SIPA1L2: variants seen among roughly 807,000 people sequenced by gnomAD.
SIPA1L2 encodes signal induced proliferation associated 1 like 2, also known as signal-induced proliferation-associated 1-like protein 2.
Under a neutral mutation model 163.9 loss-of-function variants are expected in SIPA1L2, and 56 were observed. The observed-to-expected ratio is 0.34, with a 90% CI of 0.28 to 0.43. The LOEUF (loss-of-function observed/expected upper bound fraction) is 0.43, where lower values mean the gene tolerates loss of function less well. Ranked by LOEUF, SIPA1L2 falls within the 20% of genes least tolerant of loss-of-function variation. SIPA1L2 has a pLI of 1.00. For synonymous variants in SIPA1L2, 877 were observed against 865.7 expected, an observed-to-expected ratio of 1.01 and a Z score of -0.23; for missense variants, 1,974 against 2,193.5, an observed-to-expected ratio of 0.90 and a Z score of 2.00.
chr1:232,448,206 A>C (rs1350880266), intron 10 of SIPA1L2, among the ~76,000 whole-genome samples: 1 of 152,204 alleles, frequency 6.6e-6, no homozygotes, highest in Non-Finnish European at 1.5e-5. Flanking sequence ...GCACAGTGCA[A>C]GGCGTACTCT....
At chr1:232,479,555 A>C in intron 7 of SIPA1L2, 72 bp downstream of exon 7, 3 of 1,177,036 alleles carry the variant, frequency 2.5e-6, no homozygotes, top group Non-Finnish European at 3.8e-6. Flanking sequence ...TTCTACATGC[A>C]TCAATATCAT....
At chr1:232,425,452 A>C (rs1258729970) in intron 18 of SIPA1L2, 137 bp downstream of exon 18, 7 of 628,828 alleles carry the variant, frequency 1.1e-5, no homozygotes, top group Non-Finnish European at 1.7e-5. Flanking sequence ...AAATTATTTA[A>C]AACACCAAAT....
At chr1:232,449,372 G>T (rs1260395089) in intron 10 of SIPA1L2, among the ~76,000 whole-genome samples, 3 of 151,936 alleles carry the variant, frequency 2.0e-5, no homozygotes, top group Non-Finnish European at 4.4e-5. Flanking sequence ...CAAAAAATTG[G>T]CCGGGCACGG....
At chr1:232,618,666 A>AC (rs968046713) in intron 1 of SIPA1L2, among the ~76,000 whole-genome samples, 37 of 151,546 alleles carry the variant, frequency 2.4e-4, no homozygotes, top group Non-Finnish European at 2.8e-4. Flanking sequence ...AAAAAAAAAA[A>AC]AAAACTCTTG....
chr1:232,441,618 C>G, intron 13 of SIPA1L2, 150 bp downstream of exon 13: 3 of 748,616 alleles, frequency 4.0e-6, no homozygotes, highest in Non-Finnish European at 6.7e-6. Flanking sequence ...GACCACACCC[C>G]CTCCTGCATC....
intron 2 of SIPA1L2, among the ~76,000 whole-genome samples, chr1:232,571,044 C>T (rs1428942577): frequency 6.7e-6 from 1 of 149,910 alleles, no homozygotes; most frequent in East Asian, 1.9e-4. Context: ...CAAAAGGTAT[C>T]TCCAGAAAGC....
chr1:232,593,881 T>C (rs939439962), intron 1 of SIPA1L2, among the ~76,000 whole-genome samples: 2 of 152,182 alleles, frequency 1.3e-5, no homozygotes, highest in African/African-American at 4.8e-5. Flanking sequence ...TCCGTGGACA[T>C]CCAGGGCAGA....
intron 2 of SIPA1L2, among the ~76,000 whole-genome samples, chr1:232,536,859 G>A (rs748300124): frequency 2.0e-5 from 3 of 152,132 alleles, no homozygotes; most frequent in Non-Finnish European, 2.9e-5. Flanking sequence ...CAAATATTTG[G>A]GATGTCTTAT....
At chr1:232,615,684 C>G (rs1215828698) in intron 1 of SIPA1L2, among the ~76,000 whole-genome samples, 2 of 152,214 alleles carry the variant, frequency 1.3e-5, no homozygotes, top group Non-Finnish European at 2.9e-5. Flanking sequence ...AGTAACATTT[C>G]TTTCGAAGTT....
At chr1:232,602,455 A>C (rs1356566579) in intron 1 of SIPA1L2, among the ~76,000 whole-genome samples, 1 of 152,106 alleles carries the variant, frequency 6.6e-6, no homozygotes, top group Non-Finnish European at 1.5e-5. Context: ...CTCAGCCTCC[A>C]GAGTAGCTGG....
At chr1:232,458,208 C>A (rs1191727910) in intron 10 of SIPA1L2, among the ~76,000 whole-genome samples, 1 of 152,124 alleles carries the variant, frequency 6.6e-6, no homozygotes, top group Non-Finnish European at 1.5e-5. Context: ...AATGAGACTC[C>A]TAGGAGGCAA....
chr1:232,579,772 T>C (rs902062508), intron 1 of SIPA1L2, among the ~76,000 whole-genome samples: 5 of 152,100 alleles, frequency 3.3e-5, no homozygotes, highest in Non-Finnish European at 4.4e-5. Flanking sequence ...TAAAGGCAGA[T>C]TAATAGGAGA....
At chr1:232,460,317 T>C (rs1664164285) in intron 10 of SIPA1L2, among the ~76,000 whole-genome samples, 2 of 152,186 alleles carry the variant, frequency 1.3e-5, no homozygotes, top group African/African-American at 4.8e-5. Context: ...GCCGTTCCTT[T>C]TCATCTATTT....
intron 1 of SIPA1L2, among the ~76,000 whole-genome samples, chr1:232,586,958 T>C (rs10910561): frequency 0.25 from 38,375 of 152,098 alleles, 4,932 homozygotes; most frequent in Admixed American, 0.26. Context: ...GCTGGTGTCA[T>C]GGGCCTTGAT....
At chr1:232,455,421 C>T (rs1038765575) in intron 10 of SIPA1L2, among the ~76,000 whole-genome samples, 11 of 152,172 alleles carry the variant, frequency 7.2e-5, no homozygotes, top group Non-Finnish European at 5.9e-5. Context: ...GTGGCTCACG[C>T]CTGTAATCCC....
intron 12 of SIPA1L2, 50 bp downstream of exon 12, chr1:232,443,552 C>T (rs772694679): frequency 3.3e-5 from 48 of 1,446,622 alleles, no homozygotes; most frequent in Non-Finnish European, 4.5e-5. Context: ...CAATGAGTCA[C>T]AGAAAACAGG....
chr1:232,403,545 G>T lies in SIPA1L2; in HGVS notation c.4843C>A (p.Leu1615Met), dbSNP rs1343579301. The change falls in exon 21 of 23, where the codon CTG becomes ATG. Residue 1615 changes from leucine to methionine, a missense_variant. Transcript: ENST00000674635. The stretch of plus-strand genomic sequence containing the variant: ...TCCTGCCCATGCTGCATATCTGTCA[G>T]GGTGCAGAAGGATGCCACCCTCTGG... ...LDQRVASFCT[L>M]TDMQHGQDLE... 4 of 1,613,820 alleles carry T rather than the reference G, an allele frequency of 2.5e-6. No homozygotes were observed. The African/African-American group carries it at 5.3e-5, about 22-fold the overall frequency.
At chr1:232,406,754 A>G (rs1248170554) in intron 19 of SIPA1L2, among the ~76,000 whole-genome samples, 1 of 151,936 alleles carries the variant, frequency 6.6e-6, no homozygotes. Context: ...TCAACGCGTC[A>G]TGTCTGTTGA....
At chr1:232,579,717 T>C (rs1201699772) in intron 1 of SIPA1L2, among the ~76,000 whole-genome samples, 1 of 152,176 alleles carries the variant, frequency 6.6e-6, no homozygotes, top group Non-Finnish European at 1.5e-5. Context: ...GCAGGAGCCA[T>C]GGGAAAACTT....
Sources: allele counts gnomAD v4.1 joint callset (sites outside exome capture counted in the v4.1 genomes callset), GRCh38; gene constraint gnomAD v4.1.1; transcripts MANE v1.5; gene names NCBI Gene and HGNC (gene_info 2026-07-23, HGNC 2026-07-21).